The following GALNTL6 variants were observed in gnomAD, a reference collection of about 807,000 sequenced individuals.
GALNTL6 encodes polypeptide N-acetylgalactosaminyltransferase like 6, also known as polypeptide N-acetylgalactosaminyltransferase-like 6.
In GALNTL6, 46 loss-of-function variants were observed where a neutral mutation model predicts 73.7. The observed-to-expected ratio is 0.62, with a 90% CI of 0.49 to 0.80. The LOEUF (loss-of-function observed/expected upper bound fraction) is 0.80, where lower values mean the gene tolerates loss of function less well. Ranked by LOEUF, GALNTL6 falls within the 30% of genes least tolerant of loss-of-function variation. The pLI is 0.00. For synonymous variants in GALNTL6, 259 were observed against 263.7 expected (o/e 0.98, Z 0.17); for missense variants, 604 against 755.0 (o/e 0.80, Z 2.34).
At chr4:171,956,511 T>C (rs1739054535) in intron 2 of GALNTL6, among the ~76,000 whole-genome samples, 1 of 152,204 alleles carries the variant, frequency 6.6e-6, no homozygotes, top group Admixed American at 6.5e-5. Context: ...ATTGTGTTGC[T>C]GCCAATACGT....
intron 10 of GALNTL6, among the ~76,000 whole-genome samples, chr4:172,968,382 G>C (rs1455193459): frequency 2.0e-5 from 3 of 152,128 alleles, no homozygotes; most frequent in Non-Finnish European, 4.4e-5. Context: ...TCCAAGCTGA[G>C]GCCAATGCAA....
rs776686987 is a variant in GALNTL6, at chr4:172,997,016, CT to C, written c.1372-12160del. Among the ~76,000 whole-genome samples, 13 of 152,276 alleles carry C rather than the reference CT, an allele frequency of 8.5e-5. No individual in the cohort carries two copies. The East Asian group carries it at 1.2e-3, about 14-fold the overall frequency. On this transcript the variant is annotated intron_variant, in intron 10 of 12. Coordinates refer to ENST00000506823, the MANE Select transcript of GALNTL6 (RefSeq NM_001034845.3). ...CTTCTTCAGTCTTGTATTTTGAAGA[CT>C]TCATTGTCATGTCTCCATCCCTTGG...
chr4:172,211,959 TG>T (rs1736337288), intron 2 of GALNTL6, among the ~76,000 whole-genome samples: 1 of 152,204 alleles, frequency 6.6e-6, no homozygotes, highest in Admixed American at 6.5e-5. Flanking sequence ...TATGAATTTT[TG>T]GGGAAAGCAA....
intron 5 of GALNTL6, among the ~76,000 whole-genome samples, chr4:172,712,742 C>G (rs933215226): frequency 2.0e-5 from 3 of 152,146 alleles, no homozygotes; most frequent in African/African-American, 7.2e-5. Context: ...TATGCTTGTA[C>G]AACAAGGCCT....
At chr4:172,917,196 T>C (rs969594305) in intron 8 of GALNTL6, among the ~76,000 whole-genome samples, 1 of 152,230 alleles carries the variant, frequency 6.6e-6, no homozygotes, top group Admixed American at 6.5e-5. Flanking sequence ...GCTAGCCATA[T>C]GCAGGAAGCT....
At chr4:172,577,583 T>G (rs1354184908) in intron 5 of GALNTL6, among the ~76,000 whole-genome samples, 1 of 152,136 alleles carries the variant, frequency 6.6e-6, no homozygotes, top group Non-Finnish European at 1.5e-5. Context: ...AGCACTGTGT[T>G]TGGGTCTGTT....
intron 5 of GALNTL6, among the ~76,000 whole-genome samples, chr4:172,486,632 G>A (rs956411982): frequency 6.6e-6 from 1 of 152,122 alleles, no homozygotes; most frequent in Non-Finnish European, 1.5e-5. Flanking sequence ...TGACCTTGTA[G>A]ACAAGTGTGC....
chr4:172,837,574 A>G (rs1189818341), intron 7 of GALNTL6, among the ~76,000 whole-genome samples: 1 of 152,238 alleles, frequency 6.6e-6, no homozygotes, highest in Non-Finnish European at 1.5e-5. Flanking sequence ...TAGGTGGTAA[A>G]TCAACAAAAA....
intron 5 of GALNTL6, among the ~76,000 whole-genome samples, chr4:172,429,986 G>A (rs900462709): frequency 1.3e-5 from 2 of 151,922 alleles, no homozygotes; most frequent in Admixed American, 1.3e-4. Context: ...AGGTATTAGT[G>A]TAAAAACTAA....
chr4:172,558,219 A>G (rs1410830741), intron 5 of GALNTL6, among the ~76,000 whole-genome samples: 1 of 152,238 alleles, frequency 6.6e-6, no homozygotes, highest in East Asian at 1.9e-4. Flanking sequence ...GGCAAGTGTG[A>G]AAAATGACAA....
chr4:172,730,095 A>C (rs2111386093), intron 5 of GALNTL6, among the ~76,000 whole-genome samples: 1 of 152,286 alleles, frequency 6.6e-6, no homozygotes, highest in African/African-American at 2.4e-5. Flanking sequence ...TCCTGAAACT[A>C]CTGAATTCTT....
chr4:171,998,125 A>G (rs1740550176), intron 2 of GALNTL6, among the ~76,000 whole-genome samples: 1 of 152,140 alleles, frequency 6.6e-6, no homozygotes, highest in Admixed American at 6.6e-5. Context: ...ACAGAAAACA[A>G]ATCATGAGCA....
chr4:172,897,833 G>T (rs1473422873), intron 8 of GALNTL6, among the ~76,000 whole-genome samples: 1 of 152,212 alleles, frequency 6.6e-6, no homozygotes, highest in Non-Finnish European at 1.5e-5. Flanking sequence ...CCATTTTGGT[G>T]ATGTTGCTCC....
chr4:172,648,004 T>C (rs910157769), intron 5 of GALNTL6, among the ~76,000 whole-genome samples: 1 of 152,088 alleles, frequency 6.6e-6, no homozygotes, highest in African/African-American at 2.4e-5. Context: ...GAGGGAGACA[T>C]GTGCTTGTAA....
intron 3 of GALNTL6, among the ~76,000 whole-genome samples, chr4:172,301,558 C>G (rs1040187127): frequency 2.0e-5 from 3 of 152,118 alleles, no homozygotes; most frequent in African/African-American, 7.2e-5. Context: ...TGTGGATGTC[C>G]TTTCTGTTTG....
At chr4:172,952,519 G>GT (rs201491765) in intron 10 of GALNTL6, among the ~76,000 whole-genome samples, 3,512 of 147,328 alleles carry the variant, frequency 0.024, 83 homozygotes, top group African/African-American at 0.043. Flanking sequence ...TTTTGTTTTT[G>GT]TTTTTGTTTT....
rs565354573 is a variant in GALNTL6 at position 172,588,320 on chromosome 4, G to A, written c.554-221041G>A. Among the ~76,000 whole-genome samples the A allele has an allele frequency of 4.7e-4, 71 of 152,138 alleles. No individual in the cohort carries two copies. The South Asian group carries it at 0.013, about 28-fold the overall frequency. Reference sequence around the variant, plus strand: ...TTAAAAAAGATCTCCCAGACAAGGCGTAGTGGCTCATGCCTGCAATCCCAG... The same window carrying A: ...TTAAAAAAGATCTCCCAGACAAGGCATAGTGGCTCATGCCTGCAATCCCAG... On this transcript the variant is annotated intron_variant, in intron 5 of 12. Coordinates refer to ENST00000506823, the MANE Select transcript of GALNTL6 (RefSeq NM_001034845.3).
At chr4:172,397,569 A>ATTTATTTC in intron 5 of GALNTL6, among the ~76,000 whole-genome samples, 1 of 150,482 alleles carries the variant, frequency 6.6e-6, no homozygotes, top group African/African-American at 2.4e-5. Context: ...TTATTTATTT[A>ATTTATTTC]TTTATTTATT....
intron 2 of GALNTL6, among the ~76,000 whole-genome samples, chr4:171,936,527 T>A (rs983843469): frequency 1.6e-4 from 24 of 152,246 alleles, no homozygotes; most frequent in African/African-American, 4.8e-4. Context: ...TCTAATATAA[T>A]CAGTTAGTCT....
Sources: gnomAD v4.1 joint callset for allele counts (sites outside exome capture counted in the v4.1 genomes callset) on GRCh38, gnomAD v4.1.1 for gene constraint, MANE v1.5 for transcripts, NCBI Gene and HGNC (gene_info 2026-07-23, HGNC 2026-07-21) for gene names.